ELL2: variants seen among roughly 807,000 people sequenced by gnomAD.
ELL2 encodes the protein elongation factor for RNA polymerase II 2, also known as RNA polymerase II elongation factor ELL2.
ELL2 carries 21 observed loss-of-function variants against 72.8 expected under a neutral mutation model. The observed-to-expected ratio is 0.29, with a 90% CI of 0.20 to 0.42. The LOEUF (loss-of-function observed/expected upper bound fraction) is 0.42, where lower values mean the gene tolerates loss of function less well. Among genes scored for constraint, ELL2 ranks in the 10% least tolerant of loss-of-function variants. The probability of loss-of-function intolerance (pLI) is 1.00; values close to 1 mark genes in which losing one functional copy is unlikely to be tolerated. For synonymous variants in ELL2, 266 were observed against 283.2 expected, an observed-to-expected ratio of 0.94 and a Z score of 0.61; for missense variants, 568 against 772.8, an observed-to-expected ratio of 0.73 and a Z score of 3.14.
chr5:95,889,089 C>A lies in ELL2; in HGVS notation c.1803G>T (p.Lys601Asn), dbSNP rs1748564181. ...EEVLQEYQKIKQSSPNYHEEK... is the reference protein window; with the variant it reads ...EEVLQEYQKINQSSPNYHEEK... ...AATCAACAGTGATGATACCTACCTG[C>A]TTTATCTTCTGATATTCTTGTAAGA... The change falls in exon 11 of 12, where the codon AAG becomes AAT. Residue 601 changes from lysine (K) to asparagine (N), a missense_variant. Physicochemically the swap from Lys to Asn is moderately conservative, Grantham distance 94. Transcript: ENST00000237853. 6.2e-7 allele frequency: 1 copy of A among 1,610,784 alleles called. No homozygotes were observed. Among genetic ancestry groups the A allele is most frequent in the Non-Finnish European group, 8.5e-7 (1 of 1,178,540 alleles).
At chr5:95,958,121 C>A (rs1302601504) in intron 1 of ELL2, among the ~76,000 whole-genome samples, 1 of 152,190 alleles carries the variant, frequency 6.6e-6, no homozygotes, top group Admixed American at 6.5e-5. Context: ...CAAGTACCCT[C>A]CTATATGAGT....
At chr5:95,898,189 A>T (rs1178942318) in intron 8 of ELL2, 51 bp downstream of exon 8, 2 of 1,417,618 alleles carry the variant, frequency 1.4e-6, no homozygotes, top group South Asian at 1.4e-5. Flanking sequence ...AAACTGTGTA[A>T]TTTCAAACTC....
At chr5:95,948,710 T>C (rs1385653243) in intron 1 of ELL2, among the ~76,000 whole-genome samples, 1 of 152,182 alleles carries the variant, frequency 6.6e-6, no homozygotes, top group Non-Finnish European at 1.5e-5. Context: ...AACTTTTGCT[T>C]TTAGCTTTAA....
chr5:95,939,854 T>C (rs1345846365), intron 2 of ELL2, among the ~76,000 whole-genome samples: 2 of 152,206 alleles, frequency 1.3e-5, no homozygotes, highest in Non-Finnish European at 1.5e-5. Flanking sequence ...CCTCTGAATG[T>C]TGTAACTTGA....
intron 2 of ELL2, among the ~76,000 whole-genome samples, chr5:95,938,261 G>T (rs961111824): frequency 6.6e-6 from 1 of 152,160 alleles, no homozygotes. Context: ...ATCTTCGGAA[G>T]GTCATTGTGC....
At chr5:95,899,725 A>C (rs2112278287) in intron 7 of ELL2, among the ~76,000 whole-genome samples, 1 of 152,332 alleles carries the variant, frequency 6.6e-6, no homozygotes, top group East Asian at 1.9e-4. Flanking sequence ...TTTTGTTTTC[A>C]ATTTAACACC....
At chr5:95,897,781 T>G (rs1748930413) in intron 8 of ELL2, among the ~76,000 whole-genome samples, 1 of 152,200 alleles carries the variant, frequency 6.6e-6, no homozygotes, top group South Asian at 2.1e-4. Context: ...CTTGGCCTGA[T>G]TTATTAAAAA....
Position 95,888,755 on chromosome 5 carries a change from T to G in ELL2, c.*116A>C. ...AAAAGAAAAAGTAACTCAAGTTTAC[T>G]AATACTGAAACTTTCAACAGCCAAA... On this transcript the variant is annotated 3_prime_UTR_variant, in exon 12 of 12. Coordinates refer to ENST00000237853, the MANE Select transcript of ELL2 (RefSeq NM_012081.6). 2 of 683,790 alleles carry G rather than the reference T, an allele frequency of 2.9e-6. No homozygotes were observed. Among genetic ancestry groups the G allele is most frequent in the Non-Finnish European group, 4.6e-6 (2 of 435,476 alleles). The allele number at this position is 683,790 out of a possible 1,614,324, so 42.4% of individuals were successfully genotyped here.
intron 2 of ELL2, among the ~76,000 whole-genome samples, chr5:95,925,169 T>TA (rs112363580): frequency 2.0e-5 from 3 of 152,250 alleles, no homozygotes; most frequent in Admixed American, 6.5e-5. Flanking sequence ...CATTCAAACT[T>TA]ACAGAATTCT....
chr5:95,957,722 A>T (rs1425013939), intron 1 of ELL2, among the ~76,000 whole-genome samples: 1 of 152,214 alleles, frequency 6.6e-6, no homozygotes, highest in Non-Finnish European at 1.5e-5. Context: ...CTGAATAATG[A>T]AGGTCAAGTA....
At chr5:95,925,994 G>T (rs1187159982) in intron 2 of ELL2, among the ~76,000 whole-genome samples, 2 of 152,038 alleles carry the variant, frequency 1.3e-5, no homozygotes, top group Non-Finnish European at 2.9e-5. Context: ...TTAAAATCTA[G>T]AAAATATACT....
chr5:95,906,055 G>A (rs1210754355), intron 5 of ELL2, among the ~76,000 whole-genome samples: 2 of 152,090 alleles, frequency 1.3e-5, no homozygotes, highest in South Asian at 2.1e-4. Flanking sequence ...CACACTTAGT[G>A]GCAGAAAAAG....
intron 1 of ELL2, among the ~76,000 whole-genome samples, chr5:95,960,324 G>T (rs963693394): frequency 6.6e-6 from 1 of 151,226 alleles, no homozygotes; most frequent in African/African-American, 2.4e-5. Context: ...TCCCTCACGC[G>T]ATGTATCCAC....
chr5:95,894,934 G>C (rs767357156), intron 9 of ELL2, among the ~76,000 whole-genome samples: 15 of 152,062 alleles, frequency 9.9e-5, no homozygotes, highest in Non-Finnish European at 2.2e-4. Flanking sequence ...TCCAAAGTCA[G>C]ATTTGTTTGC....
At chr5:95,894,618 C>G (rs1053315006) in intron 9 of ELL2, among the ~76,000 whole-genome samples, 19 of 152,192 alleles carry the variant, frequency 1.2e-4, no homozygotes, top group Non-Finnish European at 5.9e-5. Context: ...CCATACACTA[C>G]CTCAGATGAG....
At chr5:95,931,441 TATA>T (rs1750597241) in intron 2 of ELL2, among the ~76,000 whole-genome samples, 1 of 152,140 alleles carries the variant, frequency 6.6e-6, no homozygotes, top group Non-Finnish European at 1.5e-5. Context: ...CCTTCCTTAC[TATA>T]ATGAGATGTT....
At chr5:95,939,063 C>T (rs1281637593) in intron 2 of ELL2, among the ~76,000 whole-genome samples, 2 of 152,188 alleles carry the variant, frequency 1.3e-5, no homozygotes, top group Admixed American at 6.5e-5. Flanking sequence ...ACATACCACA[C>T]ACTTACCTTT....
intron 2 of ELL2, chr5:95,932,701 A>G (rs1279845998): frequency 1.3e-5 from 2 of 152,216 alleles, no homozygotes; most frequent in African/African-American, 4.8e-5. Context: ...GTTCTTTTAA[A>G]GAAGACAGGC....
chr5:95,959,989 G>C (rs554681662), intron 1 of ELL2, among the ~76,000 whole-genome samples: 3 of 152,112 alleles, frequency 2.0e-5, no homozygotes, highest in Non-Finnish European at 2.9e-5. Flanking sequence ...GGGTGGGGGG[G>C]CTCTCTGAAT....
Sources: allele counts gnomAD v4.1 joint callset (sites outside exome capture counted in the v4.1 genomes callset), GRCh38; gene constraint gnomAD v4.1.1; transcripts MANE v1.5; gene names NCBI Gene and HGNC (gene_info 2026-07-23, HGNC 2026-07-21).